Variants in RIMS1 observed in about 807,000 individuals in gnomAD.
RIMS1 encodes the protein regulating synaptic membrane exocytosis protein 1.
Under a neutral mutation model 214.1 loss-of-function variants are expected in RIMS1, and 83 were observed. The ratio of observed to expected loss-of-function variants is 0.39; its 90% CI spans 0.32 to 0.47. RIMS1 has a LOEUF of 0.47. Ranked by LOEUF, RIMS1 falls within the 20% of genes least tolerant of loss-of-function variation. RIMS1 has a pLI of 0.99. For synonymous variants in RIMS1, 793 were observed against 786.8 expected (o/e 1.01, Z -0.13); for missense variants, 2,050 against 2,161.8 (o/e 0.95, Z 1.03).
chr6:72,019,000 A>G (rs1308122662), intron 2 of RIMS1, among the ~76,000 whole-genome samples: 1 of 152,116 alleles, frequency 6.6e-6, no homozygotes, highest in Non-Finnish European at 1.5e-5. Flanking sequence ...TTGATTAGAT[A>G]AGAAATTGAC....
intron 4 of RIMS1, chr6:72,126,702 A>G (rs1462382908): frequency 3.4e-6 from 1 of 294,986 alleles, no homozygotes; most frequent in Non-Finnish European, 6.8e-6. Flanking sequence ...ATTATCAGGA[A>G]AATGTAAATT....
At chr6:72,117,644 A>G (rs907178838) in intron 4 of RIMS1, among the ~76,000 whole-genome samples, 2 of 152,036 alleles carry the variant, frequency 1.3e-5, no homozygotes. Context: ...ATAGAAATAC[A>G]TGGAAATTAA....
chr6:72,182,658 C>A lies in RIMS1; in HGVS notation c.1187C>A (p.Pro396Gln). 1.4e-6 allele frequency: 2 copies of A among 1,480,998 alleles called. No individual in the cohort carries two copies. The allele number at this position is 1,480,998 out of a possible 1,614,324, so 91.7% of individuals were successfully genotyped here. A position where few individuals can be genotyped will look rare whatever the true frequency, so the allele number is the denominator to read the frequency against. The change falls in exon 6 of 34, where the codon CCG becomes CAG. Residue 396 changes from proline (P) to glutamine (Q), a missense_variant. Around this residue, in one of 6 missense-constraint regions of RIMS1, gnomAD observed 882 missense variants for 828.9 expected, o/e 1.06. Transcript: ENST00000521978. The stretch of plus-strand genomic sequence containing the variant: ...CGGCGCCACAGCGACGTGGCGCTCC[C>A]GCGCACCGAGGCGGGCGCGGCGCTG... ...HERRHSDVAL[P>Q]RTEAGAALPE...
intron 2 of RIMS1, among the ~76,000 whole-genome samples, chr6:72,060,938 A>T (rs1446542180): frequency 6.6e-6 from 1 of 151,936 alleles, no homozygotes; most frequent in African/African-American, 2.4e-5. Flanking sequence ...GAATGAGAAA[A>T]TTTTCTTCTT....
chr6:72,070,147 CTAA>C (rs1377653742), intron 2 of RIMS1, among the ~76,000 whole-genome samples: 1 of 151,998 alleles, frequency 6.6e-6, no homozygotes, highest in East Asian at 1.9e-4. Flanking sequence ...ATTCTAGGGA[CTAA>C]TAATACAATG....
rs751424610 is a variant in RIMS1, at chr6:71,887,143, G to C, written c.120G>C (p.Met40Ile). The C allele has an allele frequency of 1.2e-6, 2 of 1,612,864 alleles. No individual in the cohort carries two copies. The highest frequency in any genetic ancestry group is 1.7e-6 in the Non-Finnish European group (2 of 1,179,522). Residue 40 changes from methionine (M) to isoleucine (I), a missense_variant, in exon 1 of 34, where the codon ATG becomes ATC. By Grantham distance (10) the Met-to-Ile change is conservative. Transcript: ENST00000521978. The part of the protein sequence containing the change: ...EEERNIIMAV[M>I]DRQKEEEEKE... Reference sequence around the variant, plus strand: ...AGAGGAACATTATCATGGCAGTGATGGACCGGCAGAAGGAAGAGGAGGAAA... The same window carrying C: ...AGAGGAACATTATCATGGCAGTGATCGACCGGCAGAAGGAAGAGGAGGAAA...
chr6:72,392,870 T>A, intron 31 of RIMS1, 60 bp downstream of exon 31: 3 of 1,181,090 alleles, frequency 2.5e-6, no homozygotes, highest in South Asian at 1.3e-5. Flanking sequence ...CAAAGTCATT[T>A]AAAATATTTA....
chr6:72,357,353 C>G (rs1212773528), intron 29 of RIMS1, among the ~76,000 whole-genome samples: 1 of 152,190 alleles, frequency 6.6e-6, no homozygotes, highest in East Asian at 1.9e-4. Flanking sequence ...ATCAGTTCTG[C>G]TGCTGAGTGG....
At chr6:72,084,132 T>C (rs1336106701) in intron 2 of RIMS1, among the ~76,000 whole-genome samples, 1 of 152,170 alleles carries the variant, frequency 6.6e-6, no homozygotes, top group African/African-American at 2.4e-5. Context: ...GTCTTCTAAA[T>C]TGCCAACACA....
intron 23 of RIMS1, among the ~76,000 whole-genome samples, chr6:72,280,961 T>C (rs2089826983): frequency 6.6e-6 from 1 of 152,136 alleles, no homozygotes; most frequent in South Asian, 2.1e-4. Flanking sequence ...TGTGTGTGTG[T>C]GCAGTGGTAG....
intron 4 of RIMS1, among the ~76,000 whole-genome samples, chr6:72,159,528 AC>A (rs1358553630): frequency 1.4e-5 from 2 of 141,178 alleles, no homozygotes; most frequent in African/African-American, 4.9e-5. Flanking sequence ...TCTAGGTCTA[AC>A]ATTTAAATCT....
chr6:72,149,802 T>C (rs1432497890), intron 4 of RIMS1, among the ~76,000 whole-genome samples: 1 of 152,218 alleles, frequency 6.6e-6, no homozygotes, highest in Non-Finnish European at 1.5e-5. Context: ...ATTGAGCCTT[T>C]CTTGGCCCTA....
intron 1 of RIMS1, among the ~76,000 whole-genome samples, chr6:71,962,295 G>T (rs968144602): frequency 6.6e-6 from 1 of 151,798 alleles, no homozygotes; most frequent in African/African-American, 2.4e-5. Flanking sequence ...TTTTATTTTA[G>T]ACTCCTAGAC....
At chr6:72,196,603 T>TTTTTTTTTTTTTTTTTTTTTTTTTTA (rs780611745) in intron 6 of RIMS1, among the ~76,000 whole-genome samples, 1 of 132,208 alleles carries the variant, frequency 7.6e-6, no homozygotes, top group Non-Finnish European at 1.6e-5. Context: ...TTTTTTTTTT[T>TTTTTTTTTTTTTTTTTTTTTTTTTTA]ACCTATACAG....
chr6:71,905,400 A>C (rs1383368569), intron 1 of RIMS1, among the ~76,000 whole-genome samples: 1 of 152,098 alleles, frequency 6.6e-6, no homozygotes, highest in African/African-American at 2.4e-5. Flanking sequence ...CCTGAAACAC[A>C]TGGCCACAGC....
intron 4 of RIMS1, among the ~76,000 whole-genome samples, chr6:72,160,214 G>C (rs1241342608): frequency 3.0e-5 from 3 of 100,736 alleles, no homozygotes; most frequent in African/African-American, 6.3e-5. Flanking sequence ...AAGAATGCTT[G>C]TGATTTTTGC....
chr6:72,183,247 G>A, intron 6 of RIMS1, 98 bp downstream of exon 6: 1 of 1,190,382 alleles, frequency 8.4e-7, no homozygotes. Context: ...CAGCATTGAG[G>A]CTGGGAATGC....
chr6:72,025,029 G>C (rs1293267251), intron 2 of RIMS1, among the ~76,000 whole-genome samples: 2 of 147,176 alleles, frequency 1.4e-5, no homozygotes, highest in Non-Finnish European at 3.0e-5. Flanking sequence ...TCAGCCCCCA[G>C]AGTAGCTGGG....
chr6:72,360,767 A>G (rs935736286), intron 29 of RIMS1, among the ~76,000 whole-genome samples: 4 of 149,896 alleles, frequency 2.7e-5, no homozygotes, highest in African/African-American at 9.7e-5. Context: ...AAAAGATAGG[A>G]AAAAAGACGG....
Sources: gnomAD v4.1 joint callset for allele counts (sites outside exome capture counted in the v4.1 genomes callset) on GRCh38, gnomAD v4.1.1 for gene constraint, gnomAD v4.1.1 regional missense constraint, MANE v1.5 for transcripts, NCBI Gene and HGNC (gene_info 2026-07-23, HGNC 2026-07-21) for gene names.